Variants in SLC19A3 observed in about 807,000 individuals in gnomAD.
SLC19A3 encodes the protein thiamine transporter 2.
Under a neutral mutation model 40.2 loss-of-function variants are expected in SLC19A3, and 31 were observed. That is an observed-to-expected ratio of 0.77 (90% CI 0.58 to 1.04). The LOEUF is 1.04. Among genes scored for constraint, SLC19A3 ranks in the 50% least tolerant of loss-of-function variants. The pLI is 0.00. For missense variants in SLC19A3, 592 were observed against 596.7 expected, an observed-to-expected ratio of 0.99 and a Z score of 0.08; for synonymous variants, 212 against 227.5, an observed-to-expected ratio of 0.93 and a Z score of 0.61.
chr2:227,685,460 G>C lies in SLC19A3; in HGVS notation c.*1937C>G, dbSNP rs578113215. ...GGACGGTGCCAAACCATTCATGAAG[G>C]CTTCACACCCATGATCCAGTCGCCT... is the stretch of plus-strand genomic sequence containing the variant. On this transcript the variant is annotated 3_prime_UTR_variant, in exon 6 of 6. Transcript: ENST00000644224. 1 of 152,230 alleles carries C rather than the reference G, an allele frequency of 6.6e-6. No homozygotes were observed. Among genetic ancestry groups the C allele is most frequent in the African/African-American group, 2.4e-5 (1 of 41,434 alleles). 9.4% of individuals were successfully genotyped at this position (152,230 alleles called of 1,614,324 possible).
chr2:227,706,252 T>C, intron 1 of SLC19A3: 1 of 1,184,152 alleles, frequency 8.4e-7, no homozygotes, highest in Non-Finnish European at 1.1e-6. Flanking sequence ...GCTCTAAACG[T>C]CCCTTTGCTT....
In SLC19A3 at chr2:227,699,461, A is replaced by T; in HGVS notation, c.254T>A (p.Leu85Ter). ...DYVRYKPVII[L>*]QGISFIITWL... is the part of the protein sequence containing the mutation. ...GGTAATGATGAAACTGATACCTTGCAAGATGATGACTGGCTTGTAGCGGAC... is the reference window on the plus strand; with the variant it reads ...GGTAATGATGAAACTGATACCTTGCTAGATGATGACTGGCTTGTAGCGGAC... Residue 85 changes from leucine (L) to a stop codon, truncating the protein, a stop_gained, in exon 3 of 6, where the codon TTG (leucine) becomes TAG (stop). Transcript: ENST00000644224. LOFTEE classifies it high-confidence loss of function. 6.2e-7 allele frequency: 1 copy of T among 1,614,226 alleles called. No individual in the cohort carries two copies. The highest frequency in any genetic ancestry group is 8.5e-7 in the Non-Finnish European group (1 of 1,180,040).
chr2:227,715,258 C>CA (rs71422214), intron 1 of SLC19A3, among the ~76,000 whole-genome samples: 4 of 151,142 alleles, frequency 2.6e-5, no homozygotes, highest in East Asian at 1.9e-4. Context: ...ACACCCCCCC[C>CA]AAAAAAAAAT....
chr2:227,696,839 G>A (rs1056570220), intron 3 of SLC19A3, among the ~76,000 whole-genome samples: 1 of 152,162 alleles, frequency 6.6e-6, no homozygotes, highest in South Asian at 2.1e-4. Flanking sequence ...GCTGAAGGGG[G>A]TGGATCACTT....
In SLC19A3 at chr2:227,702,153, A is replaced by G; in HGVS notation, c.150+16T>C. On this transcript the variant is annotated intron_variant, in intron 2 of 5. Transcript: ENST00000644224. ...TTTAAAAAACCACATTAAGATATGTATGTATGTTAACTTACCTCTGCACTG... is the reference window on the plus strand; with the variant it reads ...TTTAAAAAACCACATTAAGATATGTGTGTATGTTAACTTACCTCTGCACTG... 2 of 1,604,618 alleles carry G rather than the reference A, an allele frequency of 1.2e-6. No individual in the cohort carries two copies. The highest frequency in any genetic ancestry group is 1.7e-6 in the Non-Finnish European group (2 of 1,171,474).
chr2:227,711,651 T>G (rs1191242730), intron 1 of SLC19A3, among the ~76,000 whole-genome samples: 2 of 151,872 alleles, frequency 1.3e-5, no homozygotes, highest in Non-Finnish European at 2.9e-5. Flanking sequence ...ACCTAGGGAC[T>G]GGCACATATT....
At position 227,684,929 on chromosome 2, in the gene SLC19A3, G is replaced by A. The variant is rs189985829; in HGVS notation, c.*2468C>T. ...ACCCGGGAGGCGGAGGTTGCAGTGA[G>A]CTGACATTGCGTCATTGCACTCCAG... On this transcript the variant is annotated 3_prime_UTR_variant, in exon 6 of 6. Coordinates refer to ENST00000644224, the MANE Select transcript of SLC19A3 (RefSeq NM_025243.4). 5.5e-4 allele frequency: 71 copies of A among 129,414 alleles called. No homozygotes were observed. The highest frequency in any genetic ancestry group is 1.9e-3 in the African/African-American group (69 of 35,448). 8.0% of individuals were successfully genotyped at this position (129,414 alleles called of 1,614,324 possible).
Position 227,699,047 on chromosome 2 carries a change from C to T in SLC19A3, c.668G>A (p.Gly223Asp). ...VNPVLEETHE[G>D]EAPGCEEQKP... ...CTGCTCTTCACAGCCTGGTGCTTCACCTTCGTGAGTTTCCTCTAATACTGG... is the reference window on the plus strand; with the variant it reads ...CTGCTCTTCACAGCCTGGTGCTTCATCTTCGTGAGTTTCCTCTAATACTGG... Residue 223 changes from glycine to aspartate, a missense_variant, in exon 3 of 6, where the codon GGT (glycine) becomes GAT (aspartate). Physicochemically the swap from Gly to Asp is moderately conservative, Grantham distance 94. Coordinates refer to ENST00000644224, the MANE Select transcript of SLC19A3 (RefSeq NM_025243.4). 6.2e-7 allele frequency: 1 copy of T among 1,614,216 alleles called. No individual in the cohort carries two copies. The highest frequency in any genetic ancestry group is 8.5e-7 in the Non-Finnish European group (1 of 1,180,038).
chr2:227,694,521 A>G (rs1695354224), intron 4 of SLC19A3, among the ~76,000 whole-genome samples: 8 of 152,168 alleles, frequency 5.3e-5, no homozygotes, highest in Admixed American at 5.2e-4. Flanking sequence ...AACATTCTTC[A>G]CAAATTGAAA....
At chr2:227,696,135 T>G in intron 3 of SLC19A3, 54 bp from the exon 4 acceptor site, 1 of 1,547,878 alleles carries the variant, frequency 6.5e-7, no homozygotes, top group Non-Finnish European at 8.9e-7. Flanking sequence ...TGCAGGAAAA[T>G]ATCAACACCC....
chr2:227,688,371 AG>A, intron 4 of SLC19A3, 64 bp from the exon 5 acceptor site: 1 of 1,523,416 alleles, frequency 6.6e-7, no homozygotes, highest in Non-Finnish European at 9.1e-7. Context: ...TTAAAAAGAT[AG>A]AACATATTGG....
chr2:227,710,591 C>T (rs1180035472), intron 1 of SLC19A3, among the ~76,000 whole-genome samples: 2 of 152,038 alleles, frequency 1.3e-5, no homozygotes, highest in Non-Finnish European at 2.9e-5. Context: ...GACCCCATCT[C>T]TTTAAATATT....
Position 227,699,569 on chromosome 2 carries a change from A to C in SLC19A3, c.151-5T>G, listed in dbSNP as rs757762751. The C allele has an allele frequency of 3.1e-6, 5 of 1,613,536 alleles. No homozygotes were observed. Among genetic ancestry groups the C allele is most frequent in the Non-Finnish European group, 4.2e-6 (5 of 1,179,666 alleles). On this transcript the variant is annotated splice_region_variant and splice_polypyrimidine_tract_variant and intron_variant, in intron 2 of 5. Transcript: ENST00000644224. The stretch of plus-strand genomic sequence containing the variant: ...GGGGAAGATCTCATTTGTTATCTGC[A>C]AAGTTGGTAAATTGCATGACCACGA...
chr2:227,699,251 G>C lies in SLC19A3; in HGVS notation c.464C>G (p.Ser155Trp). The C allele has an allele frequency of 6.2e-7, 1 of 1,614,016 alleles. No homozygotes were observed. ...GGATACCAAGAGTTGAGCCAGCACC[G>C]ACCCTGCTGTGTAGGCGGCCAGCGT... is the stretch of plus-strand genomic sequence containing the variant. ...SVTLAAYTAG[S>W]VLAQLLVSLA... Residue 155 changes from serine to tryptophan, a missense_variant, in exon 3 of 6, where the codon TCG becomes TGG. Physicochemically the swap from Ser to Trp is radical, Grantham distance 177. Transcript: ENST00000644224.
intron 1 of SLC19A3, among the ~76,000 whole-genome samples, chr2:227,712,196 G>A (rs1047468726): frequency 6.6e-6 from 1 of 151,970 alleles, no homozygotes; most frequent in Non-Finnish European, 1.5e-5. Context: ...TTGAGCCTGG[G>A]AGTTCAAGAC....
At chr2:227,702,528 G>T in intron 1 of SLC19A3, 1 of 550,974 alleles carries the variant, frequency 1.8e-6, no homozygotes, top group Non-Finnish European at 3.2e-6. Context: ...CAAGTAGCTG[G>T]GATTACAGGT....
intron 1 of SLC19A3, among the ~76,000 whole-genome samples, chr2:227,715,252 C>A (rs4973231): frequency 1.6e-3 from 177 of 111,138 alleles, no homozygotes; most frequent in Admixed American, 6.0e-3. Context: ...AACCCCACAC[C>A]CCCCCCAAAA....
intron 1 of SLC19A3, among the ~76,000 whole-genome samples, chr2:227,709,067 C>G (rs1029814677): frequency 6.6e-6 from 1 of 152,186 alleles, no homozygotes; most frequent in African/African-American, 2.4e-5. Flanking sequence ...GTCCTATTTC[C>G]TAATCCATAG....
chr2:227,700,848 C>A, intron 2 of SLC19A3: 1 of 1,053,516 alleles, frequency 9.5e-7, no homozygotes, highest in Non-Finnish European at 1.3e-6. Context: ...GTTGGAAGGA[C>A]TGGAGTTGCT....
Sources: allele counts gnomAD v4.1 joint callset (sites outside exome capture counted in the v4.1 genomes callset), GRCh38; gene constraint gnomAD v4.1.1; transcripts MANE v1.5; gene names NCBI Gene and HGNC (gene_info 2026-07-23, HGNC 2026-07-21).